The following MTUS2 variants were observed in gnomAD, a reference collection of about 807,000 sequenced individuals.
MTUS2 encodes microtubule associated scaffold protein 2.
In MTUS2, 40 loss-of-function variants were observed where a neutral mutation model predicts 114.1. The observed-to-expected ratio is 0.35, with a 90% CI of 0.27 to 0.46. The LOEUF (loss-of-function observed/expected upper bound fraction) is 0.46, where lower values mean the gene tolerates loss of function less well. Among genes scored for constraint, MTUS2 ranks in the 20% least tolerant of loss-of-function variants. The pLI is 1.00. For missense variants in MTUS2, 1,679 were observed against 1,705.4 expected (o/e 0.98, Z 0.27); for synonymous variants, 688 against 672.0 (o/e 1.02, Z -0.37).
At chr13:29,099,712 T>G (rs1239916283) in intron 4 of MTUS2, among the ~76,000 whole-genome samples, 8 of 152,234 alleles carry the variant, frequency 5.3e-5, no homozygotes, top group Admixed American at 4.6e-4. Context: ...TAAATATGCC[T>G]GCTGGTGAAC....
intron 1 of MTUS2, among the ~76,000 whole-genome samples, chr13:28,831,061 C>T (rs1381133523): frequency 1.3e-5 from 2 of 152,052 alleles, no homozygotes; most frequent in African/African-American, 4.8e-5. Context: ...AAGTCAGTAA[C>T]ACACATCCAC....
At chr13:28,897,863 A>T (rs976929247) in intron 2 of MTUS2, among the ~76,000 whole-genome samples, 2 of 141,826 alleles carry the variant, frequency 1.4e-5, no homozygotes, top group South Asian at 5.0e-4. Flanking sequence ...GAGAACATGG[A>T]CACAAGAAGG....
intron 2 of MTUS2, among the ~76,000 whole-genome samples, chr13:28,997,761 C>T (rs940002090): frequency 3.3e-5 from 5 of 150,218 alleles, no homozygotes; most frequent in African/African-American, 4.9e-5. Flanking sequence ...TCCTCCATCC[C>T]TTTATTTTGA....
In MTUS2 at chr13:29,503,915, C is replaced by G; in HGVS notation, c.*709C>G. On this transcript the variant is annotated 3_prime_UTR_variant, in exon 16 of 16. Transcript: ENST00000612955. ...CATTCGCAAGTTTTAATTATTGATA[C>G]TCCTGTCATGAGCGGATAAGGGAGA... 4.3e-6 allele frequency: 1 copy of G among 231,696 alleles called. No individual in the cohort carries two copies. Among genetic ancestry groups the G allele is most frequent in the Non-Finnish European group, 8.6e-6 (1 of 116,938 alleles). The allele number at this position is 231,696 out of a possible 1,614,324, so 14.4% of individuals were successfully genotyped here.
intron 6 of MTUS2, among the ~76,000 whole-genome samples, chr13:29,282,172 T>C (rs1259727527): frequency 2.6e-5 from 4 of 152,342 alleles, no homozygotes; most frequent in South Asian, 2.1e-4. Flanking sequence ...GCTGACGATA[T>C]CATCGCAAGG....
At chr13:29,063,536 A>T (rs560881732) in intron 4 of MTUS2, among the ~76,000 whole-genome samples, 1 of 152,320 alleles carries the variant, frequency 6.6e-6, no homozygotes, top group East Asian at 1.9e-4. Flanking sequence ...TTTGTTATGA[A>T]TTCTGCTTAT....
At chr13:29,265,265 GA>G (rs1355468220) in intron 5 of MTUS2, among the ~76,000 whole-genome samples, 3 of 152,068 alleles carry the variant, frequency 2.0e-5, no homozygotes, top group African/African-American at 7.2e-5. Flanking sequence ...CTTTGCTCCA[GA>G]TTCCAATACA....
At chr13:29,110,995 G>T (rs188017081) in intron 5 of MTUS2, among the ~76,000 whole-genome samples, 2 of 152,274 alleles carry the variant, frequency 1.3e-5, no homozygotes, top group East Asian at 1.9e-4. Flanking sequence ...AACCTCGCTG[G>T]ACTAAGATTT....
intron 6 of MTUS2, among the ~76,000 whole-genome samples, chr13:29,317,293 ATTAACT>A (rs1033680728): frequency 4.9e-4 from 75 of 152,310 alleles, no homozygotes; most frequent in Non-Finnish European, 7.8e-4. Context: ...TGTTTCTCCT[ATTAACT>A]TTAGTGCCTC....
At chr13:29,248,135 A>G (rs1480952199) in intron 5 of MTUS2, among the ~76,000 whole-genome samples, 3 of 152,304 alleles carry the variant, frequency 2.0e-5, no homozygotes, top group South Asian at 4.1e-4. Flanking sequence ...TCCTAAGTGA[A>G]GTAGCACCAG....
intron 4 of MTUS2, among the ~76,000 whole-genome samples, chr13:29,045,443 A>G (rs1234487096): frequency 6.6e-6 from 1 of 152,168 alleles, no homozygotes; most frequent in Non-Finnish European, 1.5e-5. Flanking sequence ...CAAAGGCCCC[A>G]CTTACAGATG....
At chr13:29,011,724 T>C (rs1885851984) in intron 2 of MTUS2, among the ~76,000 whole-genome samples, 1 of 152,240 alleles carries the variant, frequency 6.6e-6, no homozygotes, top group Admixed American at 6.5e-5. Flanking sequence ...TTACAAAGTC[T>C]AACTAATGAA....
chr13:29,071,409 ATTTTTTTTTTTTTTTTTTTTT>A (rs751020009), intron 4 of MTUS2, among the ~76,000 whole-genome samples: 16 of 46,144 alleles, frequency 3.5e-4, no homozygotes, highest in African/African-American at 1.6e-3. Context: ...TGTTGCTTGA[ATTTTTTTTTTTTTTTTTTTTT>A]TTTTTTTTTT....
chr13:29,074,330 C>T (rs191083489), intron 4 of MTUS2, among the ~76,000 whole-genome samples: 9 of 152,236 alleles, frequency 5.9e-5, no homozygotes, highest in South Asian at 2.1e-4. Context: ...TTGCTTAGTC[C>T]GGGTGGTGCT....
At chr13:29,146,569 T>C (rs915991270) in intron 5 of MTUS2, among the ~76,000 whole-genome samples, 4 of 152,210 alleles carry the variant, frequency 2.6e-5, no homozygotes, top group African/African-American at 9.6e-5. Context: ...CATTTTTAAA[T>C]CCCAAATCAG....
At chr13:28,864,672 C>A (rs1877189566) in intron 2 of MTUS2, among the ~76,000 whole-genome samples, 1 of 152,152 alleles carries the variant, frequency 6.6e-6, no homozygotes. Flanking sequence ...GTTTACTAAA[C>A]AAAAATACCC....
chr13:29,345,628 T>G (rs1444926325), intron 7 of MTUS2, among the ~76,000 whole-genome samples: 1 of 152,130 alleles, frequency 6.6e-6, no homozygotes, highest in East Asian at 1.9e-4. Context: ...GGCTTCATAC[T>G]CAAACTTCTG....
chr13:29,227,439 G>A (rs1896154094), intron 5 of MTUS2, among the ~76,000 whole-genome samples: 2 of 152,100 alleles, frequency 1.3e-5, no homozygotes, highest in South Asian at 4.1e-4. Flanking sequence ...GACCCGAGGG[G>A]CTCGCTGTCT....
chr13:28,820,809 T>C (rs1295838894), intron 1 of MTUS2, among the ~76,000 whole-genome samples, 198 bp downstream of exon 1: 3 of 152,180 alleles, frequency 2.0e-5, no homozygotes, highest in Non-Finnish European at 4.4e-5. Context: ...GGACTGCAGC[T>C]CTTTTGGCAC....
Sources: gnomAD v4.1 joint callset for allele counts (sites outside exome capture counted in the v4.1 genomes callset) on GRCh38, gnomAD v4.1.1 for gene constraint, MANE v1.5 for transcripts, NCBI Gene and HGNC (gene_info 2026-07-23, HGNC 2026-07-21) for gene names.